The following SRD5A2 variants were observed in gnomAD, a reference collection of about 807,000 sequenced individuals.
SRD5A2 encodes steroid 5 alpha-reductase 2, also known as 3-oxo-5-alpha-steroid 4-dehydrogenase 2.
A neutral mutation model predicts 27.4 loss-of-function variants in SRD5A2; 30 were observed. The observed-to-expected ratio is 1.10, with a 90% confidence interval of 0.82 to 1.49. The LOEUF (loss-of-function observed/expected upper bound fraction) is 1.49, where lower values mean the gene tolerates loss of function less well. SRD5A2 is among the 40% of genes most tolerant of loss of function. The pLI, the probability that SRD5A2 is intolerant of heterozygous loss-of-function variation, is 0.00. For synonymous variants in SRD5A2, 141 were observed against 133.6 expected (o/e 1.06, Z -0.38); for missense variants, 348 against 323.4 (o/e 1.08, Z -0.58).
intron 1 of SRD5A2, among the ~76,000 whole-genome samples, chr2:31,574,673 C>T (rs1031375237): frequency 2.0e-5 from 3 of 152,150 alleles, no homozygotes; most frequent in Non-Finnish European, 2.9e-5. Context: ...TCTCAGAAAA[C>T]AATATTTACT....
intron 1 of SRD5A2, among the ~76,000 whole-genome samples, chr2:31,575,209 T>G (rs756312192): frequency 3.3e-5 from 5 of 152,092 alleles, no homozygotes; most frequent in African/African-American, 7.2e-5. Flanking sequence ...AGCAGATGAG[T>G]AGTTTCCTTA....
chr2:31,581,389 C>T (rs544641340), upstream of SRD5A2, among the ~76,000 whole-genome samples: 81 of 152,254 alleles, frequency 5.3e-4, no homozygotes, highest in Non-Finnish European at 6.2e-4. Flanking sequence ...ACTTTCACTC[C>T]CTCACAGCTC....
intron 1 of SRD5A2, among the ~76,000 whole-genome samples, chr2:31,554,823 C>A (rs1331792983): frequency 6.6e-6 from 1 of 151,938 alleles, no homozygotes; most frequent in East Asian, 1.9e-4. Flanking sequence ...TATGTAGGGA[C>A]AGATGGTTCT....
At chr2:31,618,510 T>C in the SRD5A2 span, among the ~76,000 whole-genome samples, 1 of 152,026 alleles carries the variant, frequency 6.6e-6, no homozygotes, top group Non-Finnish European at 1.5e-5. Flanking sequence ...AAGAAAGAAA[T>C]TCTATCATTT....
At chr2:31,548,493 T>C (rs965361561) in intron 1 of SRD5A2, among the ~76,000 whole-genome samples, 1 of 152,194 alleles carries the variant, frequency 6.6e-6, no homozygotes, top group Non-Finnish European at 1.5e-5. Flanking sequence ...TCAACATCAC[T>C]AATCTTTAGG....
At chr2:31,534,540 A>C (rs1025478095) in intron 1 of SRD5A2, among the ~76,000 whole-genome samples, 1 of 152,128 alleles carries the variant, frequency 6.6e-6, no homozygotes, top group Non-Finnish European at 1.5e-5. Flanking sequence ...AGCTTTGAAA[A>C]CTGATATTTG....
intron 1 of SRD5A2, among the ~76,000 whole-genome samples, chr2:31,534,678 C>T (rs1191812885): frequency 6.6e-6 from 1 of 152,184 alleles, no homozygotes; most frequent in Non-Finnish European, 1.5e-5. Flanking sequence ...CACACATCTC[C>T]AGAGCATTCA....
rs1377230204 is a variant in SRD5A2, at chr2:31,580,766, G to C, written c.135C>G (p.Thr45=). 6.2e-7 allele frequency: 1 copy of C among 1,610,732 alleles called. No individual in the cohort carries two copies. Among genetic ancestry groups the C allele is most frequent in the African/African-American group, 1.3e-5 (1 of 75,056 alleles). ...KHTESLKPAA[T]RLPARAAWFL... ...ACCAGGCGGCGCGGGCTGGCAGGCG[G>C]GTAGCCGCCGGCTTCAGGCTCTCCG... Residue 45 remains threonine, a synonymous_variant, in exon 1 of 5, where the codon ACC becomes ACG. Coordinates refer to ENST00000622030, the MANE Select transcript of SRD5A2 (RefSeq NM_000348.4).
At chr2:31,645,644 C>T in the SRD5A2 span, among the ~76,000 whole-genome samples, 1 of 152,082 alleles carries the variant, frequency 6.6e-6, no homozygotes, top group Non-Finnish European at 1.5e-5. Flanking sequence ...CAAATACCTC[C>T]CCAAAGTGTT....
chr2:31,572,733 C>G (rs1666877150), intron 1 of SRD5A2, among the ~76,000 whole-genome samples: 1 of 152,022 alleles, frequency 6.6e-6, no homozygotes, highest in Non-Finnish European at 1.5e-5. Context: ...ACTGCTGATA[C>G]AAGAGGGCAG....
At chr2:31,569,036 A>G (rs1014216576) in intron 1 of SRD5A2, among the ~76,000 whole-genome samples, 12 of 152,214 alleles carry the variant, frequency 7.9e-5, no homozygotes, top group Non-Finnish European at 1.6e-4. Context: ...CTGAGAGCAC[A>G]GGGAAGCCCG....
At chr2:31,606,057 A>T in the SRD5A2 span, among the ~76,000 whole-genome samples, 2 of 151,986 alleles carry the variant, frequency 1.3e-5, no homozygotes, top group African/African-American at 4.8e-5. Flanking sequence ...AGAAAGACAT[A>T]CATCACATGT....
chr2:31,560,636 C>A (rs1666603520), intron 1 of SRD5A2, among the ~76,000 whole-genome samples: 1 of 152,104 alleles, frequency 6.6e-6, no homozygotes, highest in Non-Finnish European at 1.5e-5. Context: ...TTCTCCTTTC[C>A]CAGCTTTTCT....
chr2:31,608,127 C>T, the SRD5A2 span, among the ~76,000 whole-genome samples: 2 of 151,952 alleles, frequency 1.3e-5, no homozygotes, highest in African/African-American at 4.8e-5. Flanking sequence ...CCCAAACTGA[C>T]TAAGACATCA....
intron 1 of SRD5A2, among the ~76,000 whole-genome samples, chr2:31,568,475 C>G (rs1485747339): frequency 6.6e-6 from 1 of 152,174 alleles, no homozygotes; most frequent in Non-Finnish European, 1.5e-5. Flanking sequence ...GTCCTGATGT[C>G]TGCCCAAGTC....
At chr2:31,604,794 TA>T in the SRD5A2 span, among the ~76,000 whole-genome samples, 2 of 150,448 alleles carry the variant, frequency 1.3e-5, no homozygotes, top group East Asian at 2.0e-4. Context: ...TTCACAGAAA[TA>T]AAAAAAAATC....
At chr2:31,560,886 G>T (rs565212784) in intron 1 of SRD5A2, among the ~76,000 whole-genome samples, 3 of 152,304 alleles carry the variant, frequency 2.0e-5, no homozygotes, top group African/African-American at 7.2e-5. Context: ...AGTTTAGGAA[G>T]AAGATCAGAA....
chr2:31,646,527 C>A, the SRD5A2 span, among the ~76,000 whole-genome samples: 1 of 152,102 alleles, frequency 6.6e-6, no homozygotes, highest in Non-Finnish European at 1.5e-5. Flanking sequence ...GAGGCAAACA[C>A]CCCTTTGGCC....
chr2:31,642,831 T>C, the SRD5A2 span, among the ~76,000 whole-genome samples: 1 of 152,054 alleles, frequency 6.6e-6, no homozygotes, highest in Non-Finnish European at 1.5e-5. Context: ...TTAGCCAAAC[T>C]ACTACTCAGA....
Sources: gnomAD v4.1 joint callset for allele counts (sites outside exome capture counted in the v4.1 genomes callset) on GRCh38, gnomAD v4.1.1 for gene constraint, MANE v1.5 for transcripts, NCBI Gene and HGNC (gene_info 2026-07-23, HGNC 2026-07-21) for gene names.